Variants in CFAP54 observed in about 807,000 individuals in gnomAD.
The protein encoded by CFAP54 is cilia and flagella associated protein 54, also known as cilia- and flagella-associated protein 54.
CFAP54 carries 290 observed loss-of-function variants against 370.4 expected under a neutral mutation model. The ratio of observed to expected loss-of-function variants is 0.78; its 90% CI spans 0.71 to 0.86. The LOEUF (loss-of-function observed/expected upper bound fraction) is 0.86, where lower values mean the gene tolerates loss of function less well. Ranked by LOEUF, CFAP54 falls within the 40% of genes least tolerant of loss-of-function variation. CFAP54 has a pLI of 0.00. For synonymous variants in CFAP54, 1,206 were observed against 1,236.5 expected, an observed-to-expected ratio of 0.98 and a Z score of 0.52; for missense variants, 3,399 against 3,528.7, an observed-to-expected ratio of 0.96 and a Z score of 0.93.
chr12:96,683,271 A>G (rs1957291143), intron 40 of CFAP54, among the ~76,000 whole-genome samples: 1 of 152,226 alleles, frequency 6.6e-6, no homozygotes, highest in Non-Finnish European at 1.5e-5. Context: ...TATCCTGGAT[A>G]TGGAATCACC....
chr12:96,759,009 G>T (rs1202012968), intron 58 of CFAP54, among the ~76,000 whole-genome samples: 1 of 151,928 alleles, frequency 6.6e-6, no homozygotes, highest in Non-Finnish European at 1.5e-5. Flanking sequence ...AATTTTAGTG[G>T]GCTTTTCTGT....
rs757469843 is a variant in CFAP54 at position 96,860,785 on chromosome 12, T to C, written c.9172-34T>C. 3.3e-6 allele frequency: 5 copies of C among 1,495,196 alleles called. No individual in the cohort carries two copies. The South Asian group carries it at 3.9e-5, about 12-fold the overall frequency. The allele number at this position is 1,495,196 out of a possible 1,614,324, so 92.6% of individuals were successfully genotyped here. A position where few individuals can be genotyped will look rare whatever the true frequency, so the allele number is the denominator to read the frequency against. ...GAACTTTGTCAACAGTTTGAAACAA[T>C]GCATTTCATGAACACTTTTATGTTT... On this transcript the variant is annotated intron_variant, in intron 66 of 67. Coordinates refer to ENST00000524981, the MANE Select transcript of CFAP54 (RefSeq NM_001306084.2).
At chr12:96,722,891 A>AGAGGT (rs1957775025) in intron 50 of CFAP54, among the ~76,000 whole-genome samples, 1 of 152,136 alleles carries the variant, frequency 6.6e-6, no homozygotes, top group Non-Finnish European at 1.5e-5. Flanking sequence ...GTGGTCATTA[A>AGAGGT]CTGAAATGGG....
intron 62 of CFAP54, among the ~76,000 whole-genome samples, chr12:96,792,009 C>G (rs1284331102): frequency 6.6e-6 from 1 of 152,054 alleles, no homozygotes; most frequent in African/African-American, 2.4e-5. Context: ...GCCACCATGC[C>G]CGGCTAATTT....
intron 42 of CFAP54, among the ~76,000 whole-genome samples, chr12:96,687,329 G>A (rs1432094179): frequency 6.6e-6 from 1 of 152,140 alleles, no homozygotes; most frequent in Non-Finnish European, 1.5e-5. Flanking sequence ...ATCTTTGGGG[G>A]ACCATTATTT....
intron 56 of CFAP54, 129 bp downstream of exon 56, chr12:96,754,027 T>C: frequency 1.2e-6 from 1 of 805,244 alleles, no homozygotes; most frequent in East Asian, 2.8e-5. Flanking sequence ...TAGAGATGAT[T>C]AACACAATGG....
chr12:96,501,031 TTTTGA>T lies in CFAP54; in HGVS notation c.423+96_423+100del, dbSNP rs1214265160. The T allele has an allele frequency of 7.5e-6, 5 of 671,004 alleles. No individual in the cohort carries two copies. In the African/African-American group the frequency reaches 9.3e-5, roughly 13 times the overall value. 41.6% of individuals were successfully genotyped at this position (671,004 alleles called of 1,614,324 possible). A position where few individuals can be genotyped will look rare whatever the true frequency, so the allele number is the denominator to read the frequency against. On this transcript the variant is annotated intron_variant, in intron 2 of 67. Coordinates refer to ENST00000524981, the MANE Select transcript of CFAP54 (RefSeq NM_001306084.2). ...TCTGATACCCTTCCTATTTTACATG[TTTTGA>T]TTTTTCTCTTAGAAAAAAATAAATG...
intron 6 of CFAP54, among the ~76,000 whole-genome samples, chr12:96,521,550 G>A (rs1421157057): frequency 3.3e-5 from 1 of 30,442 alleles, no homozygotes; most frequent in Non-Finnish European, 6.8e-5. Context: ...GTGTGTGTGC[G>A]CGTGCGCACA....
At chr12:96,629,147 G>A (rs910709688) in intron 30 of CFAP54, among the ~76,000 whole-genome samples, 1 of 152,048 alleles carries the variant, frequency 6.6e-6, no homozygotes, top group Non-Finnish European at 1.5e-5. Context: ...GAGTTATAAG[G>A]GAAGAAGTGT....
chr12:96,534,267 G>C (rs773404809), intron 11 of CFAP54, 40 bp downstream of exon 11: 1 of 1,128,826 alleles, frequency 8.9e-7, no homozygotes, highest in African/African-American at 1.6e-5. Context: ...TTAGTTTGAC[G>C]AAATATGCTC....
Position 96,594,376 on chromosome 12 carries a change from C to G in CFAP54, c.3446C>G (p.Ala1149Gly), listed in dbSNP as rs942886506. Residue 1149 changes from alanine to glycine, a missense_variant, in exon 25 of 68, where the codon GCT (alanine) becomes GGT (glycine). This residue lies in a region of CFAP54 where 2,796 missense variants were observed against 2,869.7 expected (regional missense o/e 0.97). Transcript: ENST00000524981. ...AATGATTCCAGCTATGCCCTTCAAGCTGTGACTCAATGTTATGGACTTCTT... is the reference window on the plus strand; with the variant it reads ...AATGATTCCAGCTATGCCCTTCAAGGTGTGACTCAATGTTATGGACTTCTT... ...FLNDSSYALQAVTQCYGLLAP... is the reference protein window; with the variant it reads ...FLNDSSYALQGVTQCYGLLAP... The G allele has an allele frequency of 5.2e-6, 8 of 1,534,486 alleles. No homozygotes were observed. In the Admixed American group the frequency reaches 1.4e-4, roughly 26 times the overall value.
chr12:96,798,718 C>T (rs1276900292), intron 63 of CFAP54, among the ~76,000 whole-genome samples: 1 of 152,078 alleles, frequency 6.6e-6, no homozygotes, highest in Non-Finnish European at 1.5e-5. Context: ...CTATAAACTC[C>T]TAACCTCAAT....
rs1276288949 is a variant in CFAP54 at position 96,743,925 on chromosome 12, G to C, written c.7557+15G>C. On this transcript the variant is annotated intron_variant, in intron 54 of 67. Transcript: ENST00000524981. ...TAACTGAACAGGTGAGAATGCTTTT[G>C]TGTCTGCGAGACATAGAAACTTACT... 6.2e-7 allele frequency: 1 copy of C among 1,606,158 alleles called. No individual in the cohort carries two copies.
chr12:96,671,288 A>G (rs1410825570), intron 39 of CFAP54, among the ~76,000 whole-genome samples: 1 of 152,144 alleles, frequency 6.6e-6, no homozygotes, highest in African/African-American at 2.4e-5. Flanking sequence ...TTCAGTTTAA[A>G]ACTGAACCCT....
At chr12:96,630,333 A>T (rs1488030756) in intron 31 of CFAP54, 129 bp downstream of exon 31, 7 of 604,886 alleles carry the variant, frequency 1.2e-5, no homozygotes, top group African/African-American at 1.9e-5. Flanking sequence ...ATAATTTTAT[A>T]ATTACACAAT....
At chr12:96,682,189 G>A (rs1957280908) in intron 40 of CFAP54, 1 of 985,512 alleles carries the variant, frequency 1.0e-6, no homozygotes, top group Non-Finnish European at 1.2e-6. Context: ...TGGAAAGGTG[G>A]AATTTTGCCT....
At chr12:96,601,576 A>G (rs564021516) in intron 26 of CFAP54, among the ~76,000 whole-genome samples, 1 of 152,304 alleles carries the variant, frequency 6.6e-6, no homozygotes, top group African/African-American at 2.4e-5. Flanking sequence ...CCGTGAATCC[A>G]TCTGGTCCTG....
At chr12:96,664,557 C>G (rs1390486812) in intron 39 of CFAP54, among the ~76,000 whole-genome samples, 2 of 150,758 alleles carry the variant, frequency 1.3e-5, no homozygotes, top group Non-Finnish European at 3.0e-5. Flanking sequence ...GTTCATTCCA[C>G]TTCTTTGCTA....
chr12:96,779,626 GA>G (rs1334109842), intron 60 of CFAP54, among the ~76,000 whole-genome samples: 1 of 148,734 alleles, frequency 6.7e-6, no homozygotes, highest in African/African-American at 2.5e-5. Context: ...AATCTTATAT[GA>G]ATTATATGTT....
Sources: allele counts gnomAD v4.1 joint callset (sites outside exome capture counted in the v4.1 genomes callset), GRCh38; gene constraint gnomAD v4.1.1; regional missense constraint gnomAD v4.1.1; transcripts MANE v1.5; gene names NCBI Gene and HGNC (gene_info 2026-07-23, HGNC 2026-07-21).